ITGAE: variants seen among roughly 807,000 people sequenced by gnomAD.
The protein encoded by ITGAE is integrin alpha-E.
ITGAE carries 99 observed loss-of-function variants against 136.5 expected under a neutral mutation model. That is an observed-to-expected ratio of 0.73 (90% CI 0.62 to 0.86). The LOEUF (loss-of-function observed/expected upper bound fraction) is 0.86. Ranked by LOEUF, ITGAE falls within the 40% of genes least tolerant of loss-of-function variation. The pLI is 0.00. For synonymous variants in ITGAE, 613 were observed against 591.8 expected (o/e 1.04, Z -0.52); for missense variants, 1,447 against 1,515.3 (o/e 0.95, Z 0.75).
intron 7 of ITGAE, among the ~76,000 whole-genome samples, chr17:3,759,754 C>T (rs907006212): frequency 2.6e-5 from 4 of 152,218 alleles, no homozygotes; most frequent in African/African-American, 9.6e-5. Context: ...GAATCACAGA[C>T]TTCTCCCCAG....
chr17:3,761,805 TC>T, intron 4 of ITGAE, 109 bp downstream of exon 4: 1 of 980,248 alleles, frequency 1.0e-6, no homozygotes, highest in East Asian at 2.6e-5. Context: ...GACGCTAGAC[TC>T]AGCCTCGGGA....
Position 3,716,883 on chromosome 17 carries a change from C to T in ITGAE, c.3334-85G>A, listed in dbSNP as rs913071471. 6.5e-6 allele frequency: 5 copies of T among 768,112 alleles called. No individual in the cohort carries two copies. In the African/African-American group the frequency reaches 6.9e-5, roughly 11 times the overall value. 47.6% of individuals were successfully genotyped at this position (768,112 alleles called of 1,614,324 possible). A position where few individuals can be genotyped will look rare whatever the true frequency, so the allele number is the denominator to read the frequency against. On this transcript the variant is annotated intron_variant, in intron 29 of 30. Transcript: ENST00000263087. ...ACATGTTATTTTAAGGAGCAAAATA[C>T]GAGGACTTGGCAACAACCCGTGTAT...
At chr17:3,744,055 G>C (rs2051655882) in intron 18 of ITGAE, among the ~76,000 whole-genome samples, 1 of 149,666 alleles carries the variant, frequency 6.7e-6, no homozygotes, top group African/African-American at 2.5e-5. Flanking sequence ...CTGTCACCCA[G>C]TCTGGAGGGC....
intron 26 of ITGAE, chr17:3,726,071 C>A: frequency 6.2e-7 from 1 of 1,614,126 alleles, no homozygotes; most frequent in Non-Finnish European, 8.5e-7. Context: ...ACCTGTTTAC[C>A]GGTGACGGTG....
In ITGAE at chr17:3,714,953, G is replaced by A; in HGVS notation, c.3445-11C>T. 1.3e-6 allele frequency: 2 copies of A among 1,541,478 alleles called. No individual in the cohort carries two copies. The highest frequency in any genetic ancestry group is 1.8e-6 in the Non-Finnish European group (2 of 1,123,108). ...TTTAAAAAAGCCACACTGAAACAAAGGAAGGAAAAGTCCAGTTACAGGCCA... is the reference window on the plus strand; with the variant it reads ...TTTAAAAAAGCCACACTGAAACAAAAGAAGGAAAAGTCCAGTTACAGGCCA... On this transcript the variant is annotated splice_polypyrimidine_tract_variant and intron_variant, in intron 30 of 30. Transcript: ENST00000263087.
At chr17:3,719,235 CAAAAAAA>C (rs746282209) in intron 29 of ITGAE, among the ~76,000 whole-genome samples, 1 of 66,246 alleles carries the variant, frequency 1.5e-5, no homozygotes, top group Non-Finnish European at 2.9e-5. Flanking sequence ...GATTCTTCCT[CAAAAAAA>C]AAAAAAAAAA....
At chr17:3,792,269 G>C (rs1467175550) in intron 1 of ITGAE, among the ~76,000 whole-genome samples, 2 of 152,002 alleles carry the variant, frequency 1.3e-5, no homozygotes, top group East Asian at 1.9e-4. Flanking sequence ...TTATAGGCAC[G>C]CACCACCACA....
chr17:3,794,783 G>A (rs903106535), intron 1 of ITGAE, among the ~76,000 whole-genome samples: 7 of 152,074 alleles, frequency 4.6e-5, no homozygotes, highest in African/African-American at 1.7e-4. Flanking sequence ...GCCTAGAGGA[G>A]AATTAAAAAG....
chr17:3,734,531 C>G (rs1388298019), intron 21 of ITGAE, among the ~76,000 whole-genome samples: 1 of 152,206 alleles, frequency 6.6e-6, no homozygotes, highest in Non-Finnish European at 1.5e-5. Flanking sequence ...CCAGTCTAAG[C>G]TAATTTTTAC....
chr17:3,796,272 G>C (rs1240513334), intron 1 of ITGAE, among the ~76,000 whole-genome samples: 2 of 151,940 alleles, frequency 1.3e-5, no homozygotes, highest in African/African-American at 4.8e-5. Context: ...GGCTCAGCTT[G>C]TTTCCTCAGA....
intron 1 of ITGAE, among the ~76,000 whole-genome samples, chr17:3,782,025 C>T (rs1359891150): frequency 6.6e-6 from 1 of 151,804 alleles, no homozygotes; most frequent in Non-Finnish European, 1.5e-5. Flanking sequence ...CCTATAATCC[C>T]AACATTTTGG....
chr17:3,773,375 C>CAGCTACTAG (rs1362721721), intron 2 of ITGAE, among the ~76,000 whole-genome samples: 2 of 152,082 alleles, frequency 1.3e-5, no homozygotes, highest in Admixed American at 1.3e-4. Flanking sequence ...CCTGTAATCT[C>CAGCTACTAG]AGCTACTAGG....
chr17:3,724,464 C>A (rs780570031), intron 26 of ITGAE: 1 of 1,613,866 alleles, frequency 6.2e-7, no homozygotes, highest in Admixed American at 1.7e-5. Context: ...CTCGCCCTGC[C>A]CCGGGTCCCC....
chr17:3,782,369 G>GTA (rs756157189), intron 1 of ITGAE, among the ~76,000 whole-genome samples: 3 of 141,108 alleles, frequency 2.1e-5, no homozygotes, highest in Non-Finnish European at 4.6e-5. Context: ...GTGTGTGTGT[G>GTA]TACTTTTTTT....
At chr17:3,744,442 T>TTCTCTC (rs10673455) in intron 18 of ITGAE, among the ~76,000 whole-genome samples, 9 of 137,874 alleles carry the variant, frequency 6.5e-5, no homozygotes, top group African/African-American at 2.6e-4. Context: ...ATCAAGTTCT[T>TTCTCTC]TCTCTTTTTT....
intron 20 of ITGAE, among the ~76,000 whole-genome samples, chr17:3,737,703 A>T (rs1009360742): frequency 6.6e-6 from 1 of 152,184 alleles, no homozygotes; most frequent in African/African-American, 2.4e-5. Context: ...CCGGAATGCC[A>T]AAATTTATGT....
intron 8 of ITGAE, 135 bp from the exon 9 acceptor site, chr17:3,757,994 G>C: frequency 2.0e-6 from 2 of 1,021,414 alleles, no homozygotes; most frequent in Non-Finnish European, 2.9e-6. Context: ...AGAAGGGGGT[G>C]ATGCCCCCTT....
At chr17:3,759,738 C>T (rs1317597785) in intron 7 of ITGAE, among the ~76,000 whole-genome samples, 185 bp from the exon 8 acceptor site, 1 of 152,176 alleles carries the variant, frequency 6.6e-6, no homozygotes, top group Non-Finnish European at 1.5e-5. Context: ...AGTAAAGGCC[C>T]CCAGTGAATC....
intron 3 of ITGAE, among the ~76,000 whole-genome samples, chr17:3,763,494 G>A (rs1567542610): frequency 6.6e-6 from 1 of 152,184 alleles, no homozygotes; most frequent in Non-Finnish European, 1.5e-5. Flanking sequence ...AACACTAAAA[G>A]TGTGAACTTT....
Sources: allele counts gnomAD v4.1 joint callset (sites outside exome capture counted in the v4.1 genomes callset), GRCh38; gene constraint gnomAD v4.1.1; transcripts MANE v1.5; gene names NCBI Gene and HGNC (gene_info 2026-07-23, HGNC 2026-07-21).